The following GAREM1 variants were observed in gnomAD, a reference collection of about 807,000 sequenced individuals.
GAREM1 encodes the protein GRB2-associated and regulator of MAPK protein 1.
GAREM1 carries 26 observed loss-of-function variants against 71.3 expected under a neutral mutation model. The observed-to-expected ratio is 0.36, with a 90% CI of 0.27 to 0.51. GAREM1 has a LOEUF of 0.51. Ranked by LOEUF, GAREM1 falls within the 20% of genes least tolerant of loss-of-function variation. The pLI, the probability that GAREM1 is intolerant of heterozygous loss-of-function variation, is 0.95. For synonymous variants in GAREM1, 440 were observed against 433.2 expected, an observed-to-expected ratio of 1.02 and a Z score of -0.20; for missense variants, 1,026 against 1,103.1, an observed-to-expected ratio of 0.93 and a Z score of 0.99.
chr18:32,315,507 A>T (rs1248245484), intron 2 of GAREM1, among the ~76,000 whole-genome samples: 1 of 147,510 alleles, frequency 6.8e-6, no homozygotes, highest in Non-Finnish European at 1.5e-5. Flanking sequence ...ATAAAAAAGT[A>T]GATATATATA....
At chr18:32,268,962 C>G (rs567074476) in intron 5 of GAREM1, among the ~76,000 whole-genome samples, 194 bp from the exon 6 acceptor site, 13 of 151,846 alleles carry the variant, frequency 8.6e-5, no homozygotes, top group Non-Finnish European at 1.9e-4. Flanking sequence ...TAGATATGTA[C>G]ATAATGATTT....
At chr18:32,459,083 A>G (rs1307904710) in intron 1 of GAREM1, among the ~76,000 whole-genome samples, 4 of 152,116 alleles carry the variant, frequency 2.6e-5, no homozygotes, top group African/African-American at 9.6e-5. Context: ...GTCTATTTCC[A>G]AAGAATATTA....
chr18:32,337,190 T>G (rs898179625), intron 2 of GAREM1, among the ~76,000 whole-genome samples: 2 of 152,200 alleles, frequency 1.3e-5, no homozygotes, highest in Non-Finnish European at 2.9e-5. Flanking sequence ...CTGGAAAATA[T>G]TTACTTTTTA....
At chr18:32,352,800 G>A (rs2047764931) in intron 2 of GAREM1, among the ~76,000 whole-genome samples, 1 of 152,170 alleles carries the variant, frequency 6.6e-6, no homozygotes, top group Admixed American at 6.5e-5. Flanking sequence ...GGAGGATGGG[G>A]CTAGAGGGGA....
intron 1 of GAREM1, among the ~76,000 whole-genome samples, chr18:32,396,876 G>T (rs1271399322): frequency 6.6e-6 from 1 of 152,158 alleles, no homozygotes. Context: ...AAGCTGAAAT[G>T]AAGGAAAAAA....
chr18:32,457,221 G>GTGT, intron 1 of GAREM1, among the ~76,000 whole-genome samples: 1 of 126,290 alleles, frequency 7.9e-6, no homozygotes, highest in Non-Finnish European at 1.6e-5. Context: ...GAGAGAGAGA[G>GTGT]AGAGAGTGTG....
chr18:32,418,645 T>C (rs1013746348), intron 1 of GAREM1, among the ~76,000 whole-genome samples: 5 of 151,732 alleles, frequency 3.3e-5, no homozygotes, highest in Non-Finnish European at 7.4e-5. Context: ...GCCCCAGAGG[T>C]TGAAATCCAT....
chr18:32,294,376 G>A (rs989036917), intron 3 of GAREM1, among the ~76,000 whole-genome samples: 2 of 152,220 alleles, frequency 1.3e-5, no homozygotes, highest in Non-Finnish European at 2.9e-5. Flanking sequence ...TCTGGCTAAA[G>A]TGATAGGGTG....
At chr18:32,420,030 T>C (rs2048505127) in intron 1 of GAREM1, among the ~76,000 whole-genome samples, 1 of 152,102 alleles carries the variant, frequency 6.6e-6, no homozygotes, top group Non-Finnish European at 1.5e-5. Context: ...AAGAACACAC[T>C]CCACAGGCTC....
intron 1 of GAREM1, among the ~76,000 whole-genome samples, chr18:32,413,946 T>C (rs1395050231): frequency 6.6e-6 from 1 of 152,176 alleles, no homozygotes; most frequent in African/African-American, 2.4e-5. Flanking sequence ...CTTTGACACT[T>C]AGTCATACTT....
At chr18:32,367,682 G>A (rs900521618) in intron 2 of GAREM1, among the ~76,000 whole-genome samples, 47 of 152,222 alleles carry the variant, frequency 3.1e-4, no homozygotes, top group African/African-American at 1.1e-3. Flanking sequence ...TTAGGTTTTA[G>A]GGATACAAGG....
intron 1 of GAREM1, among the ~76,000 whole-genome samples, chr18:32,462,220 T>G (rs1012071274): frequency 3.3e-5 from 5 of 152,218 alleles, no homozygotes; most frequent in African/African-American, 1.2e-4. Flanking sequence ...CTTTATTAAT[T>G]GAAATTTACA....
rs1238835671 is a variant in GAREM1 at position 32,287,626 on chromosome 18, T to C, written c.971A>G (p.His324Arg). The change falls in exon 4 of 6, where the codon CAT becomes CGT. Residue 324 changes from histidine (H) to arginine (R), a missense_variant. Coordinates refer to ENST00000269209, the MANE Select transcript of GAREM1 (RefSeq NM_001242409.2). This position sits in a 1 kb window ranked among gnomAD's most constrained non-coding sequence, Gnocchi z 5.9. ...TTCTTGGCAGATACCTAGCCAGTGATGGACCAGGGTTTCGGGCCAGCTCTC... is the reference window on the plus strand; with the variant it reads ...TTCTTGGCAGATACCTAGCCAGTGACGGACCAGGGTTTCGGGCCAGCTCTC... ...KGESWPETLV[H>R]HWLGICQEQF... The C allele has an allele frequency of 1.9e-6, 3 of 1,614,218 alleles. No homozygotes were observed. Among genetic ancestry groups the C allele is most frequent in the Admixed American group, 1.7e-5 (1 of 60,026 alleles).
At chr18:32,444,825 A>C (rs1403128293) in intron 1 of GAREM1, among the ~76,000 whole-genome samples, 2 of 152,202 alleles carry the variant, frequency 1.3e-5, no homozygotes, top group African/African-American at 4.8e-5. Flanking sequence ...TATGTTCCTA[A>C]GGCACGAACA....
At chr18:32,286,972 G>T (rs1356261976) in intron 4 of GAREM1, 59 bp downstream of exon 4, 4 of 1,240,000 alleles carry the variant, frequency 3.2e-6, no homozygotes, top group Non-Finnish European at 4.6e-6. Flanking sequence ...TAAATTAGTG[G>T]ATGACTGAGC....
At chr18:32,339,226 AC>A (rs1469541460) in intron 2 of GAREM1, among the ~76,000 whole-genome samples, 1 of 152,156 alleles carries the variant, frequency 6.6e-6, no homozygotes, top group Admixed American at 6.5e-5. Context: ...TTAACATGAA[AC>A]CATGAATATT....
At chr18:32,270,767 T>C (rs1470961178) in intron 4 of GAREM1, among the ~76,000 whole-genome samples, 1 of 152,168 alleles carries the variant, frequency 6.6e-6, no homozygotes, top group African/African-American at 2.4e-5. Context: ...CAAATTTAAC[T>C]TGAGGATTCA....
chr18:32,327,004 G>T (rs1286727524), intron 2 of GAREM1, among the ~76,000 whole-genome samples: 1 of 152,182 alleles, frequency 6.6e-6, no homozygotes, highest in East Asian at 1.9e-4. Flanking sequence ...AGGGAACAGA[G>T]ATACATTCCA....
chr18:32,391,135 G>C (rs1274652936), intron 2 of GAREM1, among the ~76,000 whole-genome samples: 3 of 152,190 alleles, frequency 2.0e-5, no homozygotes, highest in Non-Finnish European at 4.4e-5. Context: ...AGACCATGTG[G>C]GGCTGCGGAG....
Sources: allele counts gnomAD v4.1 joint callset (sites outside exome capture counted in the v4.1 genomes callset), GRCh38; gene constraint gnomAD v4.1.1; non-coding constraint Gnocchi (gnomAD v3.1); transcripts MANE v1.5; gene names NCBI Gene and HGNC (gene_info 2026-07-23, HGNC 2026-07-21).